The following CFTR variants were observed in gnomAD, a reference collection of about 807,000 sequenced individuals.
The protein encoded by CFTR is cystic fibrosis transmembrane conductance regulator.
In CFTR, 181 loss-of-function variants were observed where a neutral mutation model predicts 171.6. The ratio of observed to expected loss-of-function variants is 1.05; its 90% CI spans 0.93 to 1.19. The LOEUF is 1.19. CFTR is among the 50% of genes most tolerant of loss of function. CFTR has a pLI of 0.00. For missense variants in CFTR, 1,968 were observed against 1,734.7 expected (o/e 1.13, Z -2.39); for synonymous variants, 583 against 608.0 (o/e 0.96, Z 0.60).
intron 2 of CFTR, among the ~76,000 whole-genome samples, chr7:117,505,263 C>A (rs1022937103): frequency 2.6e-5 from 4 of 151,974 alleles, no homozygotes; most frequent in African/African-American, 9.7e-5. Flanking sequence ...AATGGTAGTC[C>A]CCCCCATAAA....
At chr7:117,525,871 A>G (rs1351354570) in intron 3 of CFTR, among the ~76,000 whole-genome samples, 1 of 150,294 alleles carries the variant, frequency 6.7e-6, no homozygotes, top group Non-Finnish European at 1.5e-5. Flanking sequence ...TGGAGCATTT[A>G]GTCCATTTAT....
At chr7:117,624,092 T>C (rs2116120228) in intron 21 of CFTR, among the ~76,000 whole-genome samples, 1 of 152,284 alleles carries the variant, frequency 6.6e-6, no homozygotes, top group East Asian at 1.9e-4. Flanking sequence ...ACTATGAAAT[T>C]AAGTGTACAA....
rs58805195 is a variant in CFTR, at chr7:117,649,499, A to G, written c.3874-3343A>G. 1.8e-3 allele frequency among the ~76,000 whole-genome samples: 251 copies of G among 136,902 alleles called. 1 individual carries two copies. In the East Asian group the frequency reaches 0.024, roughly 13 times the overall value. 89.8% of individuals were successfully genotyped at this position (136,902 alleles called of 152,430 possible). A position where few individuals can be genotyped will look rare whatever the true frequency, so the allele number is the denominator to read the frequency against. ...ATATATATATAGTGTGTGTGTGTGTATATATATATATATATATATATTTTT... is the reference window on the plus strand; with the variant it reads ...ATATATATATAGTGTGTGTGTGTGTGTATATATATATATATATATATTTTT... On this transcript the variant is annotated intron_variant, in intron 23 of 26. Transcript: ENST00000003084.
intron 25 of CFTR, 96 bp downstream of exon 25, chr7:117,664,956 C>T (rs1344565181): frequency 2.3e-6 from 3 of 1,320,220 alleles, no homozygotes; most frequent in African/African-American, 1.4e-5. Flanking sequence ...GCTGTCATGT[C>T]TGCGTGTGGG....
rs1800081 is a variant in CFTR, at chr7:117,535,277, C to G, written c.609C>G (p.Ile203Met). 1 of 1,613,998 alleles carries G rather than the reference C, an allele frequency of 6.2e-7. No individual in the cohort carries two copies. ...TTGCATTGGCACATTTCGTGTGGAT[C>G]GCTCCTTTGCAAGTGGCACTCCTCA... is the stretch of plus-strand genomic sequence containing the variant. ...EGLALAHFVW[I>M]APLQVALLMG... is the part of the protein sequence containing the mutation. The change falls in exon 6 of 27, where the codon ATC (isoleucine) becomes ATG (methionine). Residue 203 changes from isoleucine to methionine, a missense_variant. By Grantham distance (10) the Ile-to-Met change is conservative (BLOSUM62 1). Coordinates refer to ENST00000003084, the MANE Select transcript of CFTR (RefSeq NM_000492.4).
intron 16 of CFTR, among the ~76,000 whole-genome samples, chr7:117,603,155 A>C (rs1423798579): frequency 6.6e-6 from 1 of 152,166 alleles, no homozygotes; most frequent in Admixed American, 6.6e-5. Flanking sequence ...AGCCTGGACA[A>C]TATAGTGAGA....
intron 26 of CFTR, among the ~76,000 whole-genome samples, 185 bp downstream of exon 26, chr7:117,665,749 T>C (rs1793365147): frequency 6.6e-6 from 1 of 152,222 alleles, no homozygotes; most frequent in Non-Finnish European, 1.5e-5. Flanking sequence ...AGCCATGTGG[T>C]GAGGTTGAAA....
At chr7:117,523,562 A>G (rs7802924) in intron 3 of CFTR, among the ~76,000 whole-genome samples, 11,443 of 152,160 alleles carry the variant, frequency 0.075, 450 homozygotes, top group Middle Eastern at 0.11. Context: ...TATTTTTAGT[A>G]GAGACGAGGT....
rs2116069572 is a variant in CFTR at position 117,606,706 on chromosome 7, G to A, written c.2941G>A (p.Ala981Thr). 6.3e-7 allele frequency: 1 copy of A among 1,593,548 alleles called. No homozygotes were observed. The highest frequency in any genetic ancestry group is 8.6e-7 in the Non-Finnish European group (1 of 1,161,650). Residue 981 changes from alanine (A) to threonine (T), a missense_variant, in exon 18 of 27, where the codon GCA becomes ACA. By Grantham distance (58) the Ala-to-Thr change is moderately conservative (BLOSUM62 0). Transcript: ENST00000003084. The stretch of plus-strand genomic sequence containing the variant: ...TCTTAATAGATTCTCCAAAGATATA[G>A]CAATTTTGGATGACCTTCTGCCTCT... The part of the protein sequence containing the change: ...GILNRFSKDI[A>T]ILDDLLPLTI...
intron 21 of CFTR, among the ~76,000 whole-genome samples, chr7:117,624,620 G>T (rs1426014913): frequency 6.6e-6 from 1 of 152,140 alleles, no homozygotes; most frequent in Non-Finnish European, 1.5e-5. Context: ...ATAGAACCAG[G>T]ATTTGGTTGC....
intron 24 of CFTR, among the ~76,000 whole-genome samples, chr7:117,657,193 T>C (rs903606756): frequency 3.9e-5 from 6 of 152,162 alleles, no homozygotes; most frequent in African/African-American, 1.4e-4. Flanking sequence ...GAAAGCAGGA[T>C]CATAAATATA....
At chr7:117,513,846 C>T (rs1448933968) in intron 3 of CFTR, among the ~76,000 whole-genome samples, 1 of 152,166 alleles carries the variant, frequency 6.6e-6, no homozygotes, top group African/African-American at 2.4e-5. Flanking sequence ...CCACAATCTC[C>T]TATGTCCTGA....
chr7:117,502,018 T>A (rs1304190298), intron 1 of CFTR, among the ~76,000 whole-genome samples: 1 of 152,148 alleles, frequency 6.6e-6, no homozygotes, highest in Non-Finnish European at 1.5e-5. Context: ...ACGATGAGAG[T>A]ATTTATATCA....
intron 21 of CFTR, among the ~76,000 whole-genome samples, chr7:117,620,121 C>A (rs144132207): frequency 4.6e-5 from 7 of 151,854 alleles, no homozygotes; most frequent in African/African-American, 1.4e-4. Context: ...CATGTCTATC[C>A]TTATTTTTCT....
chr7:117,572,987 G>A (rs1791716773), intron 11 of CFTR, among the ~76,000 whole-genome samples: 7 of 151,856 alleles, frequency 4.6e-5, no homozygotes, highest in Admixed American at 4.6e-4. Context: ...AATGTACTCA[G>A]TAAATATTGC....
intron 11 of CFTR, among the ~76,000 whole-genome samples, chr7:117,568,163 A>G (rs1791633102): frequency 6.6e-6 from 1 of 152,186 alleles, no homozygotes; most frequent in Non-Finnish European, 1.5e-5. Flanking sequence ...TAGGTATTAC[A>G]GTAAGGTTGG....
chr7:117,582,018 A>G (rs1791856551), intron 11 of CFTR, among the ~76,000 whole-genome samples: 1 of 152,142 alleles, frequency 6.6e-6, no homozygotes, highest in African/African-American at 2.4e-5. Flanking sequence ...GACCTCCCAA[A>G]GTGCCAGTAT....
intron 21 of CFTR, among the ~76,000 whole-genome samples, chr7:117,617,174 G>A (rs1322942149): frequency 6.6e-6 from 1 of 151,960 alleles, no homozygotes; most frequent in East Asian, 1.9e-4. Flanking sequence ...AGAAAAAAAT[G>A]TTTATACTTG....
chr7:117,518,588 A>ATGTG lies in CFTR; in HGVS notation c.273+9450_273+9453dup, dbSNP rs1554377850. Reference sequence around the variant, plus strand: ...TAAAAACATATATATATATATATATATGTGTGTTTTCTGCCTTTCATTTTT... The same window carrying ATGTG: ...TAAAAACATATATATATATATATATATGTGTGTGTGTTTTCTGCCTTTCATTTTT... On this transcript the variant is annotated intron_variant, in intron 3 of 26. Transcript: ENST00000003084. Among the ~76,000 whole-genome samples, 15 of 147,340 alleles carry ATGTG rather than the reference A, an allele frequency of 1.0e-4. No homozygotes were observed. In the South Asian group the frequency reaches 2.1e-3, roughly 21 times the overall value.
Sources: allele counts gnomAD v4.1 joint callset (sites outside exome capture counted in the v4.1 genomes callset), GRCh38; gene constraint gnomAD v4.1.1; transcripts MANE v1.5; gene names NCBI Gene and HGNC (gene_info 2026-07-23, HGNC 2026-07-21).